TMPRSS7: variants seen among roughly 807,000 people sequenced by gnomAD.
TMPRSS7 encodes the protein transmembrane serine protease 7.
TMPRSS7 carries 81 observed loss-of-function variants against 95.6 expected under a neutral mutation model. The ratio of observed to expected loss-of-function variants is 0.85; its 90% CI spans 0.71 to 1.02. The LOEUF (loss-of-function observed/expected upper bound fraction) is 1.02, where lower values mean the gene tolerates loss of function less well. TMPRSS7 is among the 50% of genes least tolerant of loss of function. TMPRSS7 has a pLI of 0.00. For synonymous variants in TMPRSS7, 364 were observed against 337.8 expected, an observed-to-expected ratio of 1.08 and a Z score of -0.85; for missense variants, 945 against 955.2, an observed-to-expected ratio of 0.99 and a Z score of 0.14.
chr3:112,070,175 G>A (rs2073625208), intron 13 of TMPRSS7, among the ~76,000 whole-genome samples: 1 of 152,162 alleles, frequency 6.6e-6, no homozygotes, highest in Admixed American at 6.5e-5. Context: ...TAATTTGATT[G>A]CACTGTGGTC....
rs573211861 is a variant in TMPRSS7 at position 112,042,636 on chromosome 3, T to A, written c.429+586T>A. Reference sequence around the variant, plus strand: ...AGTTTTATAAACTAACATTTTCTCTTAGCATGCTATTGCATGCTTCTATGC... The same window carrying A: ...AGTTTTATAAACTAACATTTTCTCTAAGCATGCTATTGCATGCTTCTATGC... On this transcript the variant is annotated intron_variant, in intron 3 of 17. Transcript: ENST00000452346. Among the ~76,000 whole-genome samples, 17 of 152,358 alleles carry A rather than the reference T, an allele frequency of 1.1e-4. No individual in the cohort carries two copies. The South Asian group carries it at 3.3e-3, about 30-fold the overall frequency.
downstream of TMPRSS7, chr3:112,081,269 GAAAAAAA>G (rs764048802): frequency 3.4e-5 from 4 of 118,814 alleles, no homozygotes; most frequent in Non-Finnish European, 5.1e-5. Context: ...TGTCTCTACT[GAAAAAAA>G]AAAAAAAAAA....
intron 9 of TMPRSS7, among the ~76,000 whole-genome samples, chr3:112,051,577 ATCTATATC>A (rs2073352109): frequency 6.6e-6 from 1 of 150,838 alleles, no homozygotes; most frequent in Admixed American, 6.6e-5. Context: ...GTATCTATCT[ATCTATATC>A]TATCTCTATT....
rs115650782 is a variant in TMPRSS7 at position 112,048,331 on chromosome 3, G to C, written c.959+364G>C. Among the ~76,000 whole-genome samples, 582 of 152,258 alleles carry C rather than the reference G, an allele frequency of 3.8e-3. 8 individuals are homozygous for C. Among genetic ancestry groups the C allele is most frequent in the African/African-American group, 0.013 (555 of 41,544 alleles). ...ATCCTATGATGATTGCATCACATTA[G>C]TAAACAATTAAATTTTTTTTCTCGT... On this transcript the variant is annotated intron_variant, in intron 7 of 17. Transcript: ENST00000452346.
At chr3:112,041,770 C>T (rs762414352) in intron 2 of TMPRSS7, 150 bp from the exon 3 acceptor site, 8 of 601,156 alleles carry the variant, frequency 1.3e-5, no homozygotes, top group Non-Finnish European at 1.8e-5. Flanking sequence ...TTGTTACCTA[C>T]ATTTAAAAGT....
intron 9 of TMPRSS7, among the ~76,000 whole-genome samples, chr3:112,054,728 G>GTTT (rs1357112428): frequency 1.3e-3 from 50 of 37,574 alleles, no homozygotes; most frequent in South Asian, 3.5e-3. Flanking sequence ...CTCTCAGTTT[G>GTTT]CTTTTTTTTT....
chr3:112,050,329 A>G (rs1414014008), intron 8 of TMPRSS7, among the ~76,000 whole-genome samples: 1 of 152,070 alleles, frequency 6.6e-6, no homozygotes. Flanking sequence ...GGAATATGAG[A>G]GATGGAACTC....
intron 10 of TMPRSS7, 35 bp downstream of exon 10, chr3:112,057,166 A>T (rs767851167): frequency 6.8e-7 from 1 of 1,472,472 alleles, no homozygotes; most frequent in South Asian, 1.2e-5. Flanking sequence ...TATGTGAGGC[A>T]TCTGATGAAA....
chr3:112,043,943 T>G (rs1237162361), intron 3 of TMPRSS7, among the ~76,000 whole-genome samples: 10 of 152,228 alleles, frequency 6.6e-5, no homozygotes, highest in Admixed American at 2.0e-4. Context: ...GAGTTTGATT[T>G]GTTAACTGTG....
intron 7 of TMPRSS7, 137 bp downstream of exon 7, chr3:112,048,104 C>A: frequency 1.4e-6 from 1 of 703,300 alleles, no homozygotes; most frequent in Non-Finnish European, 2.4e-6. Context: ...GACCCGTGCC[C>A]TATTTAGTAT....
At chr3:112,064,103 CT>C (rs1233996083) in intron 12 of TMPRSS7, among the ~76,000 whole-genome samples, 1 of 152,188 alleles carries the variant, frequency 6.6e-6, no homozygotes, top group East Asian at 1.9e-4. Flanking sequence ...GGGAAATTCA[CT>C]CTGTACACCT....
At chr3:112,049,783 G>A (rs1031883797) in intron 7 of TMPRSS7, 61 bp from the exon 8 acceptor site, 1 of 1,373,656 alleles carries the variant, frequency 7.3e-7, no homozygotes. Context: ...CGTTTTGAAT[G>A]GAGACCCATT....
chr3:112,057,109 T>A (rs1559957867), exon 10 of TMPRSS7: 1 of 1,611,980 alleles, frequency 6.2e-7, no homozygotes, highest in Non-Finnish European at 8.5e-7. Context: ...TGAGCATGGA[T>A]GGTGGGAAAT....
intron 11 of TMPRSS7, 107 bp from the exon 12 acceptor site, chr3:112,063,418 C>A: frequency 1.3e-6 from 1 of 784,620 alleles, no homozygotes; most frequent in Non-Finnish European, 2.2e-6. Flanking sequence ...ATTACTGCTA[C>A]CCTGCCAACT....
exon 2 of TMPRSS7, chr3:112,038,210 C>A (rs562815628): frequency 4.3e-6 from 3 of 702,932 alleles, no homozygotes; most frequent in East Asian, 5.4e-5. Flanking sequence ...ACCCAAGAAG[C>A]AATCCAAGAA....
At chr3:112,074,473 T>C (rs1174588861) in intron 14 of TMPRSS7, 61 bp downstream of exon 14, 10 of 1,260,818 alleles carry the variant, frequency 7.9e-6, no homozygotes, top group Non-Finnish European at 7.9e-6. Context: ...CTGTTTGTTA[T>C]ATTTTCATTC....
In TMPRSS7 at chr3:112,045,662, A is replaced by T. The variant is rs1215000994; in HGVS notation, c.498-88A>T. The T allele has an allele frequency of 7.6e-6, 10 of 1,317,626 alleles. No individual in the cohort carries two copies. The East Asian group carries it at 2.3e-4, about 30-fold the overall frequency. 81.6% of individuals were successfully genotyped at this position (1,317,626 alleles called of 1,614,324 possible). ...CTAGCTTCAGTTGAAGGATGTGCTC[A>T]TTGGCCTTACCTTGAATCCATCATC... On this transcript the variant is annotated intron_variant, in intron 4 of 17. Coordinates refer to ENST00000452346, the Ensembl canonical transcript of TMPRSS7.
chr3:112,066,288 G>A (rs1226885094), intron 12 of TMPRSS7, 104 bp from the exon 13 acceptor site: 3 of 910,854 alleles, frequency 3.3e-6, no homozygotes, highest in East Asian at 2.5e-5. Context: ...TTGTTTTATA[G>A]GTCATCCTAA....
intron 10 of TMPRSS7, among the ~76,000 whole-genome samples, chr3:112,058,893 C>G (rs1455447735): frequency 6.6e-6 from 1 of 152,230 alleles, no homozygotes; most frequent in African/African-American, 2.4e-5. Context: ...GAAATCCTAT[C>G]AGATTCATTT....
Sources: gnomAD v4.1 joint callset for allele counts (sites outside exome capture counted in the v4.1 genomes callset) on GRCh38, gnomAD v4.1.1 for gene constraint, MANE v1.5 for transcripts, NCBI Gene and HGNC (gene_info 2026-07-23, HGNC 2026-07-21) for gene names.